ARHGAP42: variants seen among roughly 807,000 people sequenced by gnomAD.
The protein encoded by ARHGAP42 is Rho GTPase activating protein 42, also known as rho GTPase-activating protein 42.
In ARHGAP42, 63 loss-of-function variants were observed where a neutral mutation model predicts 125.0. The ratio of observed to expected loss-of-function variants is 0.50; its 90% confidence interval spans 0.41 to 0.62. The LOEUF (loss-of-function observed/expected upper bound fraction) is 0.62. ARHGAP42 is among the 20% of genes least tolerant of loss of function. The pLI, the probability that ARHGAP42 is intolerant of heterozygous loss-of-function variation, is 0.00. For synonymous variants in ARHGAP42, 339 were observed against 351.0 expected (o/e 0.97, Z 0.38); for missense variants, 766 against 1,024.2 (o/e 0.75, Z 3.44).
At chr11:100,890,090 G>T (rs1001779089) in intron 4 of ARHGAP42, among the ~76,000 whole-genome samples, 4 of 152,190 alleles carry the variant, frequency 2.6e-5, no homozygotes, top group Non-Finnish European at 5.9e-5. Flanking sequence ...ACTAGCTGAG[G>T]CTTAGAGGAA....
At chr11:100,903,710 ATATATATATATATATATATAT>A (rs1274553309) in intron 4 of ARHGAP42, among the ~76,000 whole-genome samples, 2 of 56,412 alleles carry the variant, frequency 3.5e-5, no homozygotes, top group Non-Finnish European at 3.3e-5. Context: ...GTCCCTCAAA[ATATATATATATATATATATAT>A]ATATATATAT....
At chr11:100,694,132 C>T (rs796883937) in intron 1 of ARHGAP42, among the ~76,000 whole-genome samples, 18 of 152,026 alleles carry the variant, frequency 1.2e-4, no homozygotes, top group African/African-American at 4.3e-4. Flanking sequence ...AGGGTTTCAC[C>T]ATGTTGGCCA....
At chr11:100,750,883 G>A (rs574886432) in intron 1 of ARHGAP42, among the ~76,000 whole-genome samples, 20 of 151,850 alleles carry the variant, frequency 1.3e-4, no homozygotes, top group African/African-American at 4.1e-4. Flanking sequence ...CCTCCTACAG[G>A]TCTTGAACTG....
chr11:100,942,570 T>G (rs890668474), intron 9 of ARHGAP42, among the ~76,000 whole-genome samples: 6 of 152,160 alleles, frequency 3.9e-5, no homozygotes, highest in Admixed American at 3.9e-4. Flanking sequence ...ACGCTGAAGC[T>G]GGGAGTTACA....
At chr11:100,770,770 G>T (rs1195524941) in intron 2 of ARHGAP42, among the ~76,000 whole-genome samples, 1 of 152,182 alleles carries the variant, frequency 6.6e-6, no homozygotes, top group Non-Finnish European at 1.5e-5. Context: ...GTAGACACAG[G>T]ATTTCACCAT....
At chr11:100,776,852 A>C (rs1164472253) in intron 2 of ARHGAP42, among the ~76,000 whole-genome samples, 2 of 151,912 alleles carry the variant, frequency 1.3e-5, no homozygotes, top group African/African-American at 4.8e-5. Flanking sequence ...GCATGATGGC[A>C]CGTGCCTGTA....
intron 3 of ARHGAP42, among the ~76,000 whole-genome samples, chr11:100,850,456 A>G: frequency 6.6e-6 from 1 of 152,154 alleles, no homozygotes; most frequent in Non-Finnish European, 1.5e-5. Context: ...GGTGACAGGA[A>G]TTCTTCAGCT....
chr11:100,781,613 TCCTCACCCCAAGGGGG>T (rs1863313305), intron 2 of ARHGAP42, among the ~76,000 whole-genome samples: 3 of 152,058 alleles, frequency 2.0e-5, no homozygotes, highest in African/African-American at 4.8e-5. Flanking sequence ...CAGAAATAAA[TCCTCACCCCAAGGGGG>T]TTTGTATTCT....
At chr11:100,849,189 T>C (rs139979579) in intron 3 of ARHGAP42, among the ~76,000 whole-genome samples, 8 of 152,170 alleles carry the variant, frequency 5.3e-5, no homozygotes, top group African/African-American at 1.2e-4. Flanking sequence ...GTTTGTCATA[T>C]GTTTTAAAGA....
intron 1 of ARHGAP42, among the ~76,000 whole-genome samples, chr11:100,716,058 T>C (rs1182429926): frequency 6.6e-6 from 1 of 152,100 alleles, no homozygotes; most frequent in Non-Finnish European, 1.5e-5. Flanking sequence ...GCTGACAAAT[T>C]GGTATATTTT....
At chr11:100,948,273 G>A (rs944015840) in intron 10 of ARHGAP42, among the ~76,000 whole-genome samples, 184 bp from the exon 11 acceptor site, 9 of 151,968 alleles carry the variant, frequency 5.9e-5, no homozygotes, top group African/African-American at 1.9e-4. Flanking sequence ...TGCATGCCTA[G>A]TGATTTTTCT....
At chr11:100,859,400 A>G (rs1447568314) in intron 3 of ARHGAP42, 154 bp from the exon 4 acceptor site, 8 of 508,588 alleles carry the variant, frequency 1.6e-5, no homozygotes, top group Admixed American at 1.2e-4. Context: ...TTAATTATAT[A>G]GTAGAAGAAC....
intron 4 of ARHGAP42, among the ~76,000 whole-genome samples, chr11:100,895,363 G>GTCTGTAT (rs1272407253): frequency 1.3e-5 from 2 of 151,950 alleles, no homozygotes; most frequent in East Asian, 3.9e-4. Flanking sequence ...CATTGTCTCT[G>GTCTGTAT]TCTGTATTTC....
intron 4 of ARHGAP42, among the ~76,000 whole-genome samples, chr11:100,870,778 T>C (rs78557384): frequency 0.032 from 4,822 of 152,280 alleles, 145 homozygotes; most frequent in African/African-American, 0.08. Context: ...TTGGAATCGG[T>C]AGATTTGTAG....
chr11:100,877,417 T>A (rs2135169811), intron 4 of ARHGAP42, among the ~76,000 whole-genome samples: 1 of 152,362 alleles, frequency 6.6e-6, no homozygotes. Flanking sequence ...TATACTTCTT[T>A]GCTCATGTAA....
chr11:100,972,669 T>C (rs1390074689), intron 17 of ARHGAP42, among the ~76,000 whole-genome samples: 1 of 152,194 alleles, frequency 6.6e-6, no homozygotes, highest in Non-Finnish European at 1.5e-5. Context: ...CTGAATTTGT[T>C]GTGACCTCAA....
At chr11:100,806,370 C>T (rs1775710396) in intron 3 of ARHGAP42, among the ~76,000 whole-genome samples, 1 of 152,128 alleles carries the variant, frequency 6.6e-6, no homozygotes, top group Admixed American at 6.6e-5. Flanking sequence ...ACTGATTAAT[C>T]TTAAGTTTCT....
intron 11 of ARHGAP42, 50 bp downstream of exon 11, chr11:100,948,585 A>C (rs890800037): frequency 5.2e-6 from 7 of 1,338,428 alleles, no homozygotes; most frequent in Non-Finnish European, 7.2e-6. Context: ...CCTAATAATT[A>C]TAATGTATGG....
intron 3 of ARHGAP42, among the ~76,000 whole-genome samples, chr11:100,833,961 T>C (rs1435016009): frequency 1.3e-5 from 2 of 152,170 alleles, no homozygotes; most frequent in Non-Finnish European, 2.9e-5. Context: ...TTCTTGCATA[T>C]GACTGTTTCA....
Sources: allele counts gnomAD v4.1 joint callset (sites outside exome capture counted in the v4.1 genomes callset), GRCh38; gene constraint gnomAD v4.1.1; transcripts MANE v1.5; gene names NCBI Gene and HGNC (gene_info 2026-07-23, HGNC 2026-07-21).